The following NRG1 variants were observed in gnomAD, a reference collection of about 807,000 sequenced individuals.
The protein encoded by NRG1 is neuregulin 1, also known as pro-neuregulin-1, membrane-bound isoform.
NRG1 carries 18 observed loss-of-function variants against 63.8 expected under a neutral mutation model. The ratio of observed to expected loss-of-function variants is 0.28; its 90% confidence interval spans 0.19 to 0.42. The LOEUF (loss-of-function observed/expected upper bound fraction) is 0.42. NRG1 is among the 10% of genes least tolerant of loss of function. The pLI, the probability that NRG1 is intolerant of heterozygous loss-of-function variation, is 1.00. For synonymous variants in NRG1, 302 were observed against 301.3 expected, an observed-to-expected ratio of 1.00 and a Z score of -0.02; for missense variants, 762 against 814.7, an observed-to-expected ratio of 0.94 and a Z score of 0.79.
At chr8:31,889,401 C>T (rs543936100) in intron 1 of NRG1, among the ~76,000 whole-genome samples, 1 of 152,278 alleles carries the variant, frequency 6.6e-6, no homozygotes, top group Admixed American at 6.5e-5. Context: ...CATGTGTCTA[C>T]TCTCCCTTCA....
In NRG1 at chr8:31,934,420, C is replaced by CTCTTTTTTTTTTTTTTT. The variant is rs780496777; in HGVS notation, c.37+294990_37+294991insCTTTTTTTTTTTTTTTT. ...ATACACACACCCCTTTATTCGCTCT[C>CTCTTTTTTTTTTTTTTT]TTTTTTTTTTTTTTTTTTTTTTTAG... On this transcript the variant is annotated intron_variant, in intron 1 of 10. Coordinates refer to the NRG1 transcript ENST00000519301. Among the ~76,000 whole-genome samples, 7 of 108,062 alleles carry CTCTTTTTTTTTTTTTTT rather than the reference C, an allele frequency of 6.5e-5. 3 individuals carry two copies. The highest frequency in any genetic ancestry group is 1.9e-4 in the Admixed American group (2 of 10,486). 70.9% of individuals were successfully genotyped at this position (108,062 alleles called of 152,430 possible). A position where few individuals can be genotyped will look rare whatever the true frequency, so the allele number is the denominator to read the frequency against.
At chr8:32,044,913 C>CAAAAAAAAAAAAAAAA in intron 1 of NRG1, among the ~76,000 whole-genome samples, 27 of 57,136 alleles carry the variant, frequency 4.7e-4, no homozygotes, top group African/African-American at 6.2e-4. Context: ...TAAAGAAAAG[C>CAAAAAAAAAAAAAAAA]AAAAAAAAAA....
At position 32,281,813 on chromosome 8, in the gene NRG1, C is replaced by G. The variant is rs1180839353; in HGVS notation, c.38-314015C>G. Among the ~76,000 whole-genome samples, 5 of 149,506 alleles carry G rather than the reference C, an allele frequency of 3.3e-5. No homozygotes were observed. The South Asian group carries it at 8.5e-4, about 25-fold the overall frequency. Reference sequence around the variant, plus strand: ...CTGGGCAACATAGTGAGACCCCCCCCATCTCTTTTAAAAAATATTTCAGAT... The same window carrying G: ...CTGGGCAACATAGTGAGACCCCCCCGATCTCTTTTAAAAAATATTTCAGAT... On this transcript the variant is annotated intron_variant, in intron 1 of 10. Transcript: ENST00000519301.
chr8:31,858,123 C>T (rs867232646), intron 1 of NRG1, among the ~76,000 whole-genome samples: 2 of 152,090 alleles, frequency 1.3e-5, no homozygotes, highest in African/African-American at 2.4e-5. Flanking sequence ...CACAGTGAAA[C>T]CCTGTCTGTA....
chr8:32,341,560 G>A (rs7827825), intron 1 of NRG1, among the ~76,000 whole-genome samples: 78,955 of 151,984 alleles, frequency 0.52, 21,394 homozygotes, highest in Non-Finnish European at 0.61. Flanking sequence ...TTACACCAAA[G>A]GAGCAGGAAC....
At chr8:32,069,217 T>G (rs1825368051) in intron 1 of NRG1, among the ~76,000 whole-genome samples, 1 of 152,164 alleles carries the variant, frequency 6.6e-6, no homozygotes, top group African/African-American at 2.4e-5. Context: ...GTTTGACAAA[T>G]AATCCCCTAC....
intron 1 of NRG1, among the ~76,000 whole-genome samples, chr8:31,838,188 A>G (rs1328752891): frequency 6.6e-6 from 1 of 152,118 alleles, no homozygotes; most frequent in Non-Finnish European, 1.5e-5. Flanking sequence ...TGACTCAGAC[A>G]TCATTTATTA....
intron 1 of NRG1, among the ~76,000 whole-genome samples, chr8:32,329,234 G>T (rs1007213754): frequency 5.3e-5 from 8 of 152,114 alleles, no homozygotes; most frequent in Non-Finnish European, 8.8e-5. Context: ...CTCCCAAAGT[G>T]CTGGGATTAC....
At chr8:32,202,074 C>T (rs1563903661) in intron 1 of NRG1, among the ~76,000 whole-genome samples, 1 of 152,136 alleles carries the variant, frequency 6.6e-6, no homozygotes, top group Non-Finnish European at 1.5e-5. Context: ...CATGAGAGAA[C>T]TACAATCAGC....
At chr8:32,221,710 A>G (rs572416316) in intron 1 of NRG1, among the ~76,000 whole-genome samples, 2 of 152,190 alleles carry the variant, frequency 1.3e-5, no homozygotes, top group African/African-American at 4.8e-5. Context: ...TGATTATGGG[A>G]CATTTTCATT....
intron 1 of NRG1, among the ~76,000 whole-genome samples, chr8:32,569,457 T>C (rs187822768): frequency 5.7e-4 from 87 of 152,314 alleles, no homozygotes; most frequent in African/African-American, 2.0e-3. Flanking sequence ...TTATCTGGGA[T>C]TGCCTCAGTA....
chr8:32,107,545 A>T (rs934945557), intron 1 of NRG1, among the ~76,000 whole-genome samples: 2 of 152,198 alleles, frequency 1.3e-5, no homozygotes, highest in African/African-American at 4.8e-5. Flanking sequence ...TAAGAGTTAG[A>T]GTTAATCATT....
At chr8:32,620,413 A>T (rs2129542367) in intron 5 of NRG1, among the ~76,000 whole-genome samples, 1 of 152,082 alleles carries the variant, frequency 6.6e-6, no homozygotes. Context: ...GGGTCAGTGT[A>T]AGACAGGGGA....
chr8:31,841,537 A>G (rs540134744), intron 1 of NRG1, among the ~76,000 whole-genome samples: 2 of 152,318 alleles, frequency 1.3e-5, no homozygotes, highest in South Asian at 4.1e-4. Flanking sequence ...TAAAGTGTGC[A>G]ATCCACAGAT....
intron 1 of NRG1, among the ~76,000 whole-genome samples, chr8:32,538,981 T>A (rs4733127): frequency 0.11 from 17,044 of 152,058 alleles, 1,227 homozygotes; most frequent in Admixed American, 0.24. Context: ...AAGTTTTGAG[T>A]TGGGTCTGGA....
chr8:32,699,621 G>A (rs983843867), intron 5 of NRG1, among the ~76,000 whole-genome samples: 1 of 152,106 alleles, frequency 6.6e-6, no homozygotes, highest in African/African-American at 2.4e-5. Flanking sequence ...AAAATTTTCT[G>A]CTTTCTTTGT....
At chr8:32,582,080 T>TATTTTATTTTATTTC in intron 1 of NRG1, among the ~76,000 whole-genome samples, 1 of 150,900 alleles carries the variant, frequency 6.6e-6, no homozygotes, top group Non-Finnish European at 1.5e-5. Flanking sequence ...TATTTTATTT[T>TATTTTATTTTATTTC]ATTTTATTTT....
intron 1 of NRG1, among the ~76,000 whole-genome samples, chr8:31,967,540 C>T (rs1309055278): frequency 6.6e-6 from 1 of 152,132 alleles, no homozygotes; most frequent in East Asian, 1.9e-4. Context: ...GGAAAGAGCC[C>T]TGGATAAGTA....
At chr8:32,125,171 C>A (rs1398836762) in intron 1 of NRG1, among the ~76,000 whole-genome samples, 1 of 151,860 alleles carries the variant, frequency 6.6e-6, no homozygotes, top group Non-Finnish European at 1.5e-5. Flanking sequence ...GTGCTGGTGC[C>A]TTGATCTTTG....
Sources: allele counts gnomAD v4.1 joint callset (sites outside exome capture counted in the v4.1 genomes callset), GRCh38; gene constraint gnomAD v4.1.1; transcripts MANE v1.5; gene names NCBI Gene and HGNC (gene_info 2026-07-23, HGNC 2026-07-21).